The following MB21D2 variants were observed in gnomAD, a reference collection of about 807,000 sequenced individuals.
The protein encoded by MB21D2 is Mab-21 domain containing 2, also known as nucleotidyltransferase MB21D2.
Under a neutral mutation model 33.3 loss-of-function variants are expected in MB21D2, and 9 were observed. The ratio of observed to expected loss-of-function variants is 0.27; its 90% confidence interval spans 0.16 to 0.47. MB21D2 has a LOEUF of 0.47. Ranked by LOEUF, MB21D2 falls within the 20% of genes least tolerant of loss-of-function variation. MB21D2 has a pLI of 0.99. For missense variants in MB21D2, 540 were observed against 624.6 expected, an observed-to-expected ratio of 0.86 and a Z score of 1.44; for synonymous variants, 241 against 236.3, an observed-to-expected ratio of 1.02 and a Z score of -0.18.
At chr3:192,859,598 T>C (rs1303216929) in intron 1 of MB21D2, among the ~76,000 whole-genome samples, 1 of 151,516 alleles carries the variant, frequency 6.6e-6, no homozygotes, top group East Asian at 1.9e-4. Flanking sequence ...CAATGATCTG[T>C]GTGTTTTCTT....
intron 1 of MB21D2, among the ~76,000 whole-genome samples, chr3:192,867,206 T>C (rs1009314089): frequency 2.6e-5 from 4 of 151,736 alleles, no homozygotes; most frequent in South Asian, 2.1e-4. Flanking sequence ...CAGCCCCTTG[T>C]ACCCCGACCT....
intron 1 of MB21D2, among the ~76,000 whole-genome samples, chr3:192,867,520 G>T (rs1271017001): frequency 6.6e-6 from 1 of 152,164 alleles, no homozygotes; most frequent in African/African-American, 2.4e-5. Flanking sequence ...TAGGGTACAG[G>T]TTTCTGTCCT....
Position 192,798,406 on chromosome 3 carries a change from T to C in MB21D2, c.1456A>G (p.Ile486Val), listed in dbSNP as rs771752165. The change falls in exon 2 of 2, where the codon ATT becomes GTT. Residue 486 changes from isoleucine (I) to valine (V), a missense_variant. By Grantham distance (29) the Ile-to-Val change is conservative. Coordinates refer to ENST00000392452, the MANE Select transcript of MB21D2 (RefSeq NM_178496.4). This position sits in a 1 kb window ranked among gnomAD's most constrained non-coding sequence, Gnocchi z 4.8. ...AACACTCAGAAAAATTTGTCATCAA[T>C]TCTGAAATGGGGCCTTGTGACATCG... ...PDDVTRPHFRIDDKFF is the reference protein window; with the variant it reads ...PDDVTRPHFRVDDKFF The C allele has an allele frequency of 3.1e-6, 5 of 1,613,742 alleles. No individual in the cohort carries two copies. Among genetic ancestry groups the C allele is most frequent in the Non-Finnish European group, 3.4e-6 (4 of 1,179,732 alleles).
intron 1 of MB21D2, among the ~76,000 whole-genome samples, chr3:192,874,117 G>C (rs1218065146): frequency 2.0e-5 from 3 of 152,154 alleles, no homozygotes; most frequent in East Asian, 1.9e-4. Flanking sequence ...AAGAGGAAGT[G>C]AATGGGAAAG....
At chr3:192,865,969 G>A (rs114513499) in intron 1 of MB21D2, among the ~76,000 whole-genome samples, 5 of 151,978 alleles carry the variant, frequency 3.3e-5, no homozygotes, top group Non-Finnish European at 5.9e-5. Context: ...TGCTGGGGCC[G>A]GGGAGGTTGT....
chr3:192,906,669 A>G (rs926488443), intron 1 of MB21D2, among the ~76,000 whole-genome samples: 2 of 152,170 alleles, frequency 1.3e-5, no homozygotes, highest in African/African-American at 4.8e-5. Context: ...TTGTTCTTTT[A>G]GAGCACACAC....
intron 1 of MB21D2, among the ~76,000 whole-genome samples, chr3:192,824,085 G>A (rs1004304465): frequency 2.6e-5 from 4 of 152,210 alleles, no homozygotes; most frequent in African/African-American, 2.4e-5. Context: ...AGATCACTGA[G>A]GGATGTAAAT....
chr3:192,891,407 A>C (rs1198309139), intron 1 of MB21D2, among the ~76,000 whole-genome samples: 1 of 152,178 alleles, frequency 6.6e-6, no homozygotes, highest in Non-Finnish European at 1.5e-5. Context: ...ATGTAACAGA[A>C]CAAGAGCAGG....
At chr3:192,893,992 G>C (rs549441715) in intron 1 of MB21D2, among the ~76,000 whole-genome samples, 6 of 152,178 alleles carry the variant, frequency 3.9e-5, no homozygotes, top group African/African-American at 1.4e-4. Flanking sequence ...CTATGATTGT[G>C]CCACTGCACT....
At chr3:192,820,410 A>G (rs758209966) in intron 1 of MB21D2, among the ~76,000 whole-genome samples, 16 of 152,170 alleles carry the variant, frequency 1.1e-4, no homozygotes, top group Non-Finnish European at 2.1e-4. Context: ...GGCCTTTCAA[A>G]GTCCAGGGAT....
intron 1 of MB21D2, among the ~76,000 whole-genome samples, chr3:192,862,662 C>A (rs1040117548): frequency 6.6e-6 from 1 of 152,128 alleles, no homozygotes; most frequent in African/African-American, 2.4e-5. Context: ...GGTGCTCACA[C>A]TGAATTAAGG....
chr3:192,875,285 C>A (rs11920281), intron 1 of MB21D2, among the ~76,000 whole-genome samples: 90,324 of 151,890 alleles, frequency 0.59, 28,262 homozygotes, highest in African/African-American at 0.78. Context: ...TAAACCCTAA[C>A]ATCCTTCAGA....
chr3:192,871,698 G>A (rs1460013167), intron 1 of MB21D2, among the ~76,000 whole-genome samples: 1 of 152,188 alleles, frequency 6.6e-6, no homozygotes. Context: ...AGAGGGTGGA[G>A]GCCAAAGATG....
chr3:192,832,692 G>A (rs1424599785), intron 1 of MB21D2, among the ~76,000 whole-genome samples: 12 of 152,000 alleles, frequency 7.9e-5, no homozygotes, highest in African/African-American at 2.9e-4. Context: ...CGGGAGGCTG[G>A]GGCAGGAGAA....
intron 1 of MB21D2, among the ~76,000 whole-genome samples, chr3:192,909,423 C>T (rs2108655483): frequency 6.6e-6 from 1 of 152,184 alleles, no homozygotes; most frequent in Non-Finnish European, 1.5e-5. Flanking sequence ...GAGATATCTG[C>T]AACAACTGTA....
chr3:192,871,811 T>G (rs759532153), intron 1 of MB21D2, among the ~76,000 whole-genome samples: 1 of 149,606 alleles, frequency 6.7e-6, no homozygotes, highest in African/African-American at 2.5e-5. Context: ...CAGAGGGGAG[T>G]GACATGATGG....
At chr3:192,916,098 T>TTATA (rs55749042) in intron 1 of MB21D2, among the ~76,000 whole-genome samples, 33,915 of 138,932 alleles carry the variant, frequency 0.24, 4,781 homozygotes, top group South Asian at 0.33. Context: ...CTACCAGGTT[T>TTATA]TATATATATA....
At chr3:192,818,649 T>C (rs1711978739) in intron 1 of MB21D2, among the ~76,000 whole-genome samples, 1 of 152,224 alleles carries the variant, frequency 6.6e-6, no homozygotes, top group African/African-American at 2.4e-5. Context: ...GTAAAGTCCT[T>C]TTTAGAGTGG....
intron 1 of MB21D2, among the ~76,000 whole-genome samples, chr3:192,848,996 C>A (rs923183350): frequency 6.6e-6 from 1 of 152,160 alleles, no homozygotes; most frequent in African/African-American, 2.4e-5. Context: ...ACCACAGGAA[C>A]TTTTTATTTC....
Sources: allele counts gnomAD v4.1 joint callset (sites outside exome capture counted in the v4.1 genomes callset), GRCh38; gene constraint gnomAD v4.1.1; non-coding constraint Gnocchi (gnomAD v3.1); transcripts MANE v1.5; gene names NCBI Gene and HGNC (gene_info 2026-07-23, HGNC 2026-07-21).